Variants in SLAMF1 observed in about 807,000 individuals in gnomAD.
The protein encoded by SLAMF1 is signaling lymphocytic activation molecule family member 1, also known as signaling lymphocytic activation molecule.
Under a neutral mutation model 35.1 loss-of-function variants are expected in SLAMF1, and 18 were observed. The observed-to-expected ratio is 0.51, with a 90% CI of 0.35 to 0.76. SLAMF1 has a LOEUF of 0.76. SLAMF1 is among the 30% of genes least tolerant of loss of function. The pLI, the probability that SLAMF1 is intolerant of heterozygous loss-of-function variation, is 0.01. For missense variants in SLAMF1, 392 were observed against 413.0 expected (o/e 0.95, Z 0.44); for synonymous variants, 168 against 157.2 (o/e 1.07, Z -0.51).
intron 1 of SLAMF1, among the ~76,000 whole-genome samples, chr1:160,645,726 C>A (rs558585090): frequency 6.6e-6 from 1 of 152,294 alleles, no homozygotes; most frequent in South Asian, 2.1e-4. Context: ...CTCCCCTAGA[C>A]CTTGGGAAGT....
rs1658918703 is a variant in SLAMF1 at position 160,610,442 on chromosome 1, GC to G, written c.*305del. 5 of 494,844 alleles carry G rather than the reference GC, an allele frequency of 1.0e-5. No homozygotes were observed. 30.7% of individuals were successfully genotyped at this position (494,844 alleles called of 1,614,324 possible). A position where few individuals can be genotyped will look rare whatever the true frequency, so the allele number is the denominator to read the frequency against. ...ATCCAGTTCCAGCCAAGAGCAAGAT[GC>G]CCAAAGTCTGAACTCACATTACTGT... On this transcript the variant is annotated 3_prime_UTR_variant, in exon 7 of 7. Transcript: ENST00000302035.
intron 2 of SLAMF1, 106 bp from the exon 3 acceptor site, chr1:160,635,003 C>A: frequency 1.1e-6 from 1 of 951,600 alleles, no homozygotes; most frequent in East Asian, 2.5e-5. Context: ...TTTTCCCTCC[C>A]CCTCAATGTG....
At chr1:160,623,872 A>G (rs1386171205) in intron 4 of SLAMF1, among the ~76,000 whole-genome samples, 1 of 152,140 alleles carries the variant, frequency 6.6e-6, no homozygotes, top group Non-Finnish European at 1.5e-5. Flanking sequence ...CACATTAGAA[A>G]CCTGTGGCTC....
chr1:160,610,859 A>G lies in SLAMF1; in HGVS notation c.958-61T>C, dbSNP rs972927017. On this transcript the variant is annotated intron_variant, in intron 6 of 6. Transcript: ENST00000302035. ...TGGATACTCACTTCACAGAATGCAA[A>G]TGAAAACAGCACTGCTGAGGAAAAG... is the stretch of plus-strand genomic sequence containing the variant. 4.8e-6 allele frequency: 6 copies of G among 1,239,236 alleles called. No homozygotes were observed. The East Asian group carries it at 1.4e-4, about 29-fold the overall frequency. The allele number at this position is 1,239,236 out of a possible 1,614,324, so 76.8% of individuals were successfully genotyped here. A position where few individuals can be genotyped will look rare whatever the true frequency, so the allele number is the denominator to read the frequency against.
At chr1:160,643,297 T>C (rs1052232457) in intron 1 of SLAMF1, among the ~76,000 whole-genome samples, 1 of 152,158 alleles carries the variant, frequency 6.6e-6, no homozygotes, top group African/African-American at 2.4e-5. Flanking sequence ...GGGACTTGAC[T>C]CCAAGTTCTG....
intron 1 of SLAMF1, among the ~76,000 whole-genome samples, chr1:160,646,186 T>G (rs535817556): frequency 1.7e-4 from 26 of 152,306 alleles, no homozygotes; most frequent in African/African-American, 6.0e-4. Flanking sequence ...TGTCTGGCCT[T>G]CCTGCTGGAG....
intron 3 of SLAMF1, among the ~76,000 whole-genome samples, chr1:160,630,548 C>G (rs373418621): frequency 1.3e-5 from 2 of 152,142 alleles, no homozygotes; most frequent in Non-Finnish European, 2.9e-5. Context: ...AATAAACCCT[C>G]GGACCCCACC....
chr1:160,616,475 A>G (rs1659308554), intron 5 of SLAMF1, among the ~76,000 whole-genome samples: 1 of 152,228 alleles, frequency 6.6e-6, no homozygotes, highest in Admixed American at 6.5e-5. Context: ...ATATTAGCAA[A>G]TAAAATCCAG....
chr1:160,622,556 G>C (rs1490593092), intron 4 of SLAMF1, among the ~76,000 whole-genome samples: 4 of 152,154 alleles, frequency 2.6e-5, no homozygotes, highest in African/African-American at 9.7e-5. Context: ...TAAGAGATCT[G>C]TCTATCTGTC....
intron 4 of SLAMF1, among the ~76,000 whole-genome samples, chr1:160,620,064 C>T (rs565042569): frequency 1.3e-5 from 2 of 152,328 alleles, no homozygotes; most frequent in African/African-American, 4.8e-5. Flanking sequence ...ATTTGAAATA[C>T]CTGCCTCACG....
intron 1 of SLAMF1, among the ~76,000 whole-genome samples, chr1:160,638,637 A>T (rs75505963): frequency 0.03 from 4,582 of 151,926 alleles, 231 homozygotes; most frequent in African/African-American, 0.1. Flanking sequence ...TTCTTTTCCC[A>T]TTTCCAGACC....
rs772923297 is a variant in SLAMF1, at chr1:160,646,072, C to T, written c.76+798G>A. Among the ~76,000 whole-genome samples the T allele has an allele frequency of 5.3e-4, 80 of 152,136 alleles. 1 individual carries two copies. The highest frequency in any genetic ancestry group is 5.4e-4 in the Non-Finnish European group (37 of 68,018). ...TGCTTGGCTTTTTCTTTCTCAAATA[C>T]CTTTTCTCATAGCCCTGATACTTCT... On this transcript the variant is annotated intron_variant, in intron 1 of 6. Coordinates refer to ENST00000302035, the MANE Select transcript of SLAMF1 (RefSeq NM_003037.5).
At position 160,634,741 on chromosome 1, in the gene SLAMF1, G is replaced by A. The variant is rs1453091170; in HGVS notation, c.572C>T (p.Ser191Phe). The A allele has an allele frequency of 6.2e-7, 1 of 1,614,198 alleles. No individual in the cohort carries two copies. The highest frequency in any genetic ancestry group is 2.2e-5 in the East Asian group (1 of 44,886). ...GCCGAGGGTGAGGGACAGGAGGTGG[G>A]AGCTGTTGGCTGGGTTCAGTGGGTG... The part of the protein sequence containing the change: ...GTHPLNPANS[S>F]HLLSLTLGPQ... The change falls in exon 3 of 7, where the codon TCC (serine) becomes TTC (phenylalanine). Residue 191 changes from serine (S) to phenylalanine (F), a missense_variant. Coordinates refer to ENST00000302035, the MANE Select transcript of SLAMF1 (RefSeq NM_003037.5).
At chr1:160,637,644 G>A (rs780286700) in intron 1 of SLAMF1, 115 bp from the exon 2 acceptor site, 31 of 735,544 alleles carry the variant, frequency 4.2e-5, no homozygotes, top group Non-Finnish European at 3.7e-5. Flanking sequence ...GGCTATCCCT[G>A]GGGTTGCCAA....
At chr1:160,622,578 C>T (rs925320229) in intron 4 of SLAMF1, among the ~76,000 whole-genome samples, 3 of 152,128 alleles carry the variant, frequency 2.0e-5, no homozygotes, top group African/African-American at 7.2e-5. Flanking sequence ...ATGTATCTAT[C>T]TGTCTATGTA....
chr1:160,625,470 G>C (rs1178482458), intron 3 of SLAMF1, among the ~76,000 whole-genome samples: 1 of 152,182 alleles, frequency 6.6e-6, no homozygotes, highest in Non-Finnish European at 1.5e-5. Context: ...ATAAAATGCA[G>C]CCTACAAGAT....
At chr1:160,621,851 A>AGT (rs1553239716) in intron 4 of SLAMF1, among the ~76,000 whole-genome samples, 4 of 90,848 alleles carry the variant, frequency 4.4e-5, no homozygotes, top group Non-Finnish European at 9.5e-5. Flanking sequence ...AGTGTGCGTG[A>AGT]GTGCGTGTGT....
At chr1:160,646,815 G>C in intron 1 of SLAMF1, 55 bp downstream of exon 1, 1 of 966,888 alleles carries the variant, frequency 1.0e-6, no homozygotes, top group South Asian at 1.3e-5. Flanking sequence ...ACGAAGATAC[G>C]CTGATTCCTG....
intron 1 of SLAMF1, among the ~76,000 whole-genome samples, chr1:160,643,329 C>T (rs1503858): frequency 0.97 from 147,925 of 152,216 alleles, 72,007 homozygotes; most frequent in East Asian, 1. Flanking sequence ...TTCTTGCATG[C>T]TGCATAATGA....
Sources: gnomAD v4.1 joint callset for allele counts (sites outside exome capture counted in the v4.1 genomes callset) on GRCh38, gnomAD v4.1.1 for gene constraint, MANE v1.5 for transcripts, NCBI Gene and HGNC (gene_info 2026-07-23, HGNC 2026-07-21) for gene names.